Variants in IDE observed in about 807,000 individuals in gnomAD.
The protein encoded by IDE is insulin-degrading enzyme.
A neutral mutation model predicts 133.2 loss-of-function variants in IDE; 58 were observed. The observed-to-expected ratio is 0.44, with a 90% CI of 0.35 to 0.54. The LOEUF is 0.54. IDE is among the 20% of genes least tolerant of loss of function. IDE has a pLI of 0.00. For missense variants in IDE, 981 were observed against 1,234.0 expected, an observed-to-expected ratio of 0.79 and a Z score of 3.07; for synonymous variants, 396 against 421.3, an observed-to-expected ratio of 0.94 and a Z score of 0.73.
intron 1 of IDE, among the ~76,000 whole-genome samples, chr10:92,544,881 C>CAT (rs1842473350): frequency 6.6e-6 from 1 of 152,076 alleles, no homozygotes; most frequent in African/African-American, 2.4e-5. Flanking sequence ...AGAACTGACT[C>CAT]ATGCATGAAA....
At chr10:92,532,746 C>A (rs1337016653) in intron 3 of IDE, among the ~76,000 whole-genome samples, 1 of 150,506 alleles carries the variant, frequency 6.6e-6, no homozygotes, top group Non-Finnish European at 1.5e-5. Context: ...AACTTTACAT[C>A]CCATTTTATA....
At chr10:92,468,419 C>T (rs1329189078) in intron 19 of IDE, among the ~76,000 whole-genome samples, 1 of 152,110 alleles carries the variant, frequency 6.6e-6, no homozygotes, top group Non-Finnish European at 1.5e-5. Context: ...TATATAAATT[C>T]AATAAAAGTC....
intron 4 of IDE, 55 bp downstream of exon 4, chr10:92,531,693 A>G (rs544267678): frequency 2.0e-5 from 18 of 894,546 alleles, no homozygotes; most frequent in Non-Finnish European, 2.8e-5. Context: ...AAAATATAAT[A>G]CTATGCAGTG....
chr10:92,548,785 T>C (rs1554851042), intron 1 of IDE, among the ~76,000 whole-genome samples: 1 of 152,190 alleles, frequency 6.6e-6, no homozygotes, highest in Non-Finnish European at 1.5e-5. Context: ...ATAATTGCTA[T>C]AGATGAGCCA....
At chr10:92,488,427 T>C (rs944655345) in intron 12 of IDE, among the ~76,000 whole-genome samples, 1 of 151,930 alleles carries the variant, frequency 6.6e-6, no homozygotes, top group African/African-American at 2.4e-5. Flanking sequence ...GGCCCACACC[T>C]CTCCCAGATG....
chr10:92,454,974 G>T (rs1844914946), intron 24 of IDE, among the ~76,000 whole-genome samples: 2 of 152,088 alleles, frequency 1.3e-5, no homozygotes, highest in Admixed American at 1.3e-4. Flanking sequence ...ACATGGGAGA[G>T]ACTAAGAAGT....
intron 1 of IDE, among the ~76,000 whole-genome samples, chr10:92,549,718 C>T (rs906917378): frequency 5.3e-5 from 8 of 151,468 alleles, no homozygotes; most frequent in African/African-American, 1.9e-4. Flanking sequence ...ATATATTATA[C>T]ATATATATAA....
Position 92,560,162 on chromosome 10 carries a change from G to A in IDE, c.98+13760C>T, listed in dbSNP as rs530063910. ...TATGTTGTTGCCATATAATAATATC[G>A]ATAATAGTTTGGCTGGTTGACTGTA... is the stretch of plus-strand genomic sequence containing the variant. On this transcript the variant is annotated intron_variant, in intron 1 of 24. Transcript: ENST00000265986. Among the ~76,000 whole-genome samples, 13 of 152,134 alleles carry A rather than the reference G, an allele frequency of 8.5e-5. No homozygotes were observed. In the East Asian group the frequency reaches 1.7e-3, roughly 20 times the overall value.
At chr10:92,510,754 T>G (rs1230829966) in intron 5 of IDE, among the ~76,000 whole-genome samples, 1 of 142,906 alleles carries the variant, frequency 7.0e-6, no homozygotes, top group Non-Finnish European at 1.5e-5. Context: ...AGCACATACA[T>G]CTCACATATA....
chr10:92,539,154 G>A (rs1001550106), intron 1 of IDE, among the ~76,000 whole-genome samples: 2 of 150,736 alleles, frequency 1.3e-5, no homozygotes, highest in Non-Finnish European at 2.9e-5. Context: ...AAAGGGGTTT[G>A]TTGCTACTAA....
At chr10:92,548,309 A>G (rs1842618620) in intron 1 of IDE, among the ~76,000 whole-genome samples, 1 of 146,736 alleles carries the variant, frequency 6.8e-6, no homozygotes, top group African/African-American at 2.5e-5. Flanking sequence ...CGGTGAACCA[A>G]GATTGTGCCA....
intron 14 of IDE, among the ~76,000 whole-genome samples, chr10:92,480,234 G>A (rs1035801219): frequency 6.6e-6 from 1 of 152,106 alleles, no homozygotes; most frequent in Non-Finnish European, 1.5e-5. Flanking sequence ...ATACAACCTT[G>A]CTTACCTTTT....
intron 1 of IDE, among the ~76,000 whole-genome samples, chr10:92,540,232 G>A (rs1310382257): frequency 2.0e-5 from 3 of 150,082 alleles, no homozygotes; most frequent in African/African-American, 7.4e-5. Context: ...GCAACAGAGC[G>A]AGACTCCGTC....
chr10:92,546,978 A>G (rs1300116998), intron 1 of IDE, among the ~76,000 whole-genome samples: 10 of 152,198 alleles, frequency 6.6e-5, no homozygotes, highest in Admixed American at 6.5e-4. Flanking sequence ...TAACGTTAAC[A>G]TTTCTTCAAA....
chr10:92,523,988 C>T (rs1443184401), intron 4 of IDE, among the ~76,000 whole-genome samples: 1 of 151,774 alleles, frequency 6.6e-6, no homozygotes, highest in Non-Finnish European at 1.5e-5. Context: ...TTCAACTGCT[C>T]CTACTTTAAT....
intron 2 of IDE, among the ~76,000 whole-genome samples, chr10:92,535,279 AT>A (rs1251438446): frequency 6.6e-6 from 1 of 151,970 alleles, no homozygotes; most frequent in Non-Finnish European, 1.5e-5. Context: ...AATTCTTTGT[AT>A]TTTTATTAGA....
chr10:92,548,488 T>C (rs548152736), intron 1 of IDE, among the ~76,000 whole-genome samples: 8 of 151,862 alleles, frequency 5.3e-5, no homozygotes, highest in Admixed American at 3.3e-4. Context: ...CTGTAAAATA[T>C]GTTTATATAA....
intron 1 of IDE, chr10:92,541,283 C>G (rs139516762): frequency 1.1e-5 from 5 of 469,714 alleles, no homozygotes; most frequent in Non-Finnish European, 2.2e-5. Flanking sequence ...CTTCCTACAA[C>G]GATTTGATTC....
chr10:92,525,294 T>A (rs1333426665), intron 4 of IDE, among the ~76,000 whole-genome samples: 1 of 152,070 alleles, frequency 6.6e-6, no homozygotes, highest in Admixed American at 6.6e-5. Flanking sequence ...AGTAACAGAA[T>A]CAAGGACAAA....
Sources: gnomAD v4.1 joint callset for allele counts (sites outside exome capture counted in the v4.1 genomes callset) on GRCh38, gnomAD v4.1.1 for gene constraint, MANE v1.5 for transcripts, NCBI Gene and HGNC (gene_info 2026-07-23, HGNC 2026-07-21) for gene names.